Variants in MANEAL observed in about 807,000 individuals in gnomAD.
MANEAL encodes the protein glycoprotein endo-alpha-1,2-mannosidase-like protein.
Under a neutral mutation model 35.9 loss-of-function variants are expected in MANEAL, and 28 were observed. That is an observed-to-expected ratio of 0.78 (90% CI 0.58 to 1.07). The LOEUF (loss-of-function observed/expected upper bound fraction) is 1.07, where lower values mean the gene tolerates loss of function less well. Among genes scored for constraint, MANEAL ranks in the 50% least tolerant of loss-of-function variants. The pLI, the probability that MANEAL is intolerant of heterozygous loss-of-function variation, is 0.00. For synonymous variants in MANEAL, 286 were observed against 272.2 expected (o/e 1.05, Z -0.50); for missense variants, 576 against 629.6 (o/e 0.91, Z 0.91).
In MANEAL at chr1:37,799,880, A is replaced by G. The variant is rs1256648457; in HGVS notation, c.1051A>G (p.Asn351Asp). 1 of 1,614,100 alleles carries G rather than the reference A, an allele frequency of 6.2e-7. No individual in the cohort carries two copies. The highest frequency in any genetic ancestry group is 2.2e-5 in the East Asian group (1 of 44,898). Reference sequence around the variant, plus strand: ...TGTGAAGAACTTTTGTGATGCCAACAACCTCATGTTCATCCCCAGTGTGGG... The same window carrying G: ...TGTGAAGAACTTTTGTGATGCCAACGACCTCATGTTCATCCCCAGTGTGGG... ...KAVKNFCDAN[N>D]LMFIPSVGPG... Residue 351 changes from asparagine to aspartate, a missense_variant, in exon 4 of 4, where the codon AAC (asparagine) becomes GAC (aspartate). By Grantham distance (23) the Asn-to-Asp change is conservative. Around this residue, in one of 3 missense-constraint regions of MANEAL, gnomAD observed 449 missense variants for 516.1 expected, o/e 0.87. Transcript: ENST00000373045. This position sits in a 1 kb window ranked among gnomAD's most constrained non-coding sequence, Gnocchi z 4.1.
intron 3 of MANEAL, among the ~76,000 whole-genome samples, chr1:37,797,697 T>A (rs181502318): frequency 6.6e-6 from 1 of 152,074 alleles, no homozygotes; most frequent in Non-Finnish European, 1.5e-5. Flanking sequence ...TCCCAGCTAC[T>A]TGGGGGGCTA....
At position 37,794,871 on chromosome 1, in the gene MANEAL, ACT is replaced by A. The variant is rs897292981; in HGVS notation, c.550+143_550+144del. 1.5e-5 allele frequency: 9 copies of A among 584,632 alleles called. No homozygotes were observed. The African/African-American group carries it at 1.7e-4, about 11-fold the overall frequency. The allele number at this position is 584,632 out of a possible 1,614,324, so 36.2% of individuals were successfully genotyped here. On this transcript the variant is annotated intron_variant, in intron 1 of 3. Coordinates refer to ENST00000373045, the MANE Select transcript of MANEAL (RefSeq NM_001113482.2). This position sits in a 1 kb window ranked among gnomAD's most constrained non-coding sequence, Gnocchi z 5.7. ...CCTGGCTTCTTAGCTGTTCCCTCCC[ACT>A]CTCATCCTGGGCCCACCATGCGACA...
At position 37,794,521 on chromosome 1, in the gene MANEAL, C is replaced by T; in HGVS notation, c.339C>T (p.Tyr113=). ...SDLHAFYYSW[Y]GSPRREGHYI... is the part of the protein sequence containing the mutation. ...TGCACGCCTTCTACTACTCGTGGTA[C>T]GGGAGCCCGCGGCGCGAGGGCCACT... The change falls in exon 1 of 4, where the codon TAC becomes TAT. Residue 113 remains tyrosine (Y), a synonymous_variant. Transcript: ENST00000373045. This position sits in a 1 kb window ranked among gnomAD's most constrained non-coding sequence, Gnocchi z 5.7. 1 of 1,610,870 alleles carries T rather than the reference C, an allele frequency of 6.2e-7. No homozygotes were observed. Among genetic ancestry groups the T allele is most frequent in the South Asian group, 1.1e-5 (1 of 90,748 alleles).
Position 37,794,094 on chromosome 1 carries a change from G to A in MANEAL, c.-89G>A. ...CACGCCGCGCTCTGCCGGGCGCACA[G>A]TCTGCCTGGGAAGCGCGCGGCCGGG... On this transcript the variant is annotated 5_prime_UTR_variant, in exon 1 of 4. Coordinates refer to ENST00000373045, the MANE Select transcript of MANEAL (RefSeq NM_001113482.2). The surrounding 1 kb of genome is among the most constrained non-coding windows in gnomAD (Gnocchi z 5.7). 1.1e-6 allele frequency: 1 copy of A among 945,006 alleles called. No homozygotes were observed. The highest frequency in any genetic ancestry group is 1.3e-6 in the Non-Finnish European group (1 of 775,670). 58.5% of individuals were successfully genotyped at this position (945,006 alleles called of 1,614,324 possible).
In MANEAL at chr1:37,793,997, C is replaced by A; in HGVS notation, c.-186C>A. The A allele has an allele frequency of 5.0e-6, 1 of 200,612 alleles. No individual in the cohort carries two copies. Among genetic ancestry groups the A allele is most frequent in the Non-Finnish European group, 9.3e-6 (1 of 107,192 alleles). 12.4% of individuals were successfully genotyped at this position (200,612 alleles called of 1,614,324 possible). On this transcript the variant is annotated 5_prime_UTR_variant, in exon 1 of 4. Coordinates refer to ENST00000373045, the MANE Select transcript of MANEAL (RefSeq NM_001113482.2). Reference sequence around the variant, plus strand: ...CGTGCAGTTCCCCCTCGGCTCGCGGCCACTTGGTCCGCGCCGCCTGCGTCC... The same window carrying A: ...CGTGCAGTTCCCCCTCGGCTCGCGGACACTTGGTCCGCGCCGCCTGCGTCC...
At chr1:37,797,481 CTTTTTT>C (rs1646655166) in intron 3 of MANEAL, among the ~76,000 whole-genome samples, 1 of 96,050 alleles carries the variant, frequency 1.0e-5, no homozygotes, top group Non-Finnish European at 2.2e-5. Context: ...TTTTTTTTTT[CTTTTTT>C]TGAGACAGAG....
Position 37,795,833 on chromosome 1 carries a change from A to C in MANEAL, c.647A>C (p.Gln216Pro), listed in dbSNP as rs1225073282. 6.2e-7 allele frequency: 1 copy of C among 1,614,064 alleles called. No individual in the cohort carries two copies. Residue 216 changes from glutamine (Q) to proline (P), a missense_variant, in exon 2 of 4, where the codon CAG becomes CCG. Coordinates refer to ENST00000373045, the MANE Select transcript of MANEAL (RefSeq NM_001113482.2). Reference protein sequence around the residue: ...LVPAILDTAHQYSIQVAFHIQ... With the variant: ...LVPAILDTAHPYSIQVAFHIQ... ...CCCGCCATTCTGGACACCGCCCATC[A>C]GTACAGCATCCAGGTGAGTCTCCAA... is the stretch of plus-strand genomic sequence containing the variant.
chr1:37,796,424 C>T (rs1646645470), intron 2 of MANEAL, among the ~76,000 whole-genome samples: 1 of 152,232 alleles, frequency 6.6e-6, no homozygotes, highest in Non-Finnish European at 1.5e-5. Context: ...TCCACTGACA[C>T]AGCTTCAGCA....
rs749149607 is a variant in MANEAL at position 37,800,182 on chromosome 1, G to A, written c.1353G>A (p.Glu451=). Residue 451 remains glutamate, a synonymous_variant, in exon 4 of 4, where the codon GAG becomes GAA. Transcript: ENST00000373045. ...TRRWAEHFIK[E]KEQWLM ...GCTGGGCGGAGCACTTCATCAAAGA[G>A]AAGGAGCAGTGGCTCATGTGAGGGG... 6.2e-7 allele frequency: 1 copy of A among 1,613,486 alleles called. No individual in the cohort carries two copies. Among genetic ancestry groups the A allele is most frequent in the Non-Finnish European group, 8.5e-7 (1 of 1,179,994 alleles).
chr1:37,796,865 G>C, intron 3 of MANEAL, 45 bp downstream of exon 3: 1 of 1,552,424 alleles, frequency 6.4e-7, no homozygotes, highest in Non-Finnish European at 8.8e-7. Flanking sequence ...GATCAAAATG[G>C]AGGTAGGGAT....
Position 37,794,201 on chromosome 1 carries a change from CG to C in MANEAL, c.20del (p.Arg7ProfsTer169). MARRRR[R>X]ACIALFLVLL... is the part of the protein sequence containing the mutation. ...GTCGGCCATGGCCCGGCGGCGGCGC[CG>C]CGCCTGCATCGCTCTGTTCCTGGTG... On this transcript the variant is annotated frameshift_variant, in exon 1 of 4. Transcript: ENST00000373045. LOFTEE classifies it high-confidence loss of function. This position sits in a 1 kb window ranked among gnomAD's most constrained non-coding sequence, Gnocchi z 5.7. 7.7e-7 allele frequency: 1 copy of C among 1,292,148 alleles called. No individual in the cohort carries two copies. The highest frequency in any genetic ancestry group is 1.6e-5 in the South Asian group (1 of 61,822). 80.0% of individuals were successfully genotyped at this position (1,292,148 alleles called of 1,614,324 possible).
In MANEAL at chr1:37,794,856, T is replaced by C; in HGVS notation, c.550+124T>C. ...CCACTTATCCGCCAGCCTGGCTTCT[T>C]AGCTGTTCCCTCCCACTCTCATCCT... On this transcript the variant is annotated intron_variant, in intron 1 of 3. Coordinates refer to ENST00000373045, the MANE Select transcript of MANEAL (RefSeq NM_001113482.2). The surrounding 1 kb of genome is among the most constrained non-coding windows in gnomAD (Gnocchi z 5.7). 1.5e-6 allele frequency: 1 copy of C among 656,178 alleles called. No individual in the cohort carries two copies. The highest frequency in any genetic ancestry group is 3.4e-4 in the Middle Eastern group (1 of 2,966). The allele number at this position is 656,178 out of a possible 1,614,324, so 40.6% of individuals were successfully genotyped here.
Position 37,794,588 on chromosome 1 carries a change from AAGAT to A in MANEAL, c.407_410del (p.Lys136ThrfsTer39). On this transcript the variant is annotated frameshift_variant, in exon 1 of 4. Transcript: ENST00000373045. LOFTEE classifies it high-confidence loss of function. This position sits in a 1 kb window ranked among gnomAD's most constrained non-coding sequence, Gnocchi z 5.7. ...CGTCATGGTGCCGCACTGGGACCCC[AAGAT>A]CTCGGCCAGCTACCCCCGCGGCCGC... 1 of 1,611,718 alleles carries A rather than the reference AAGAT, an allele frequency of 6.2e-7. No individual in the cohort carries two copies. The highest frequency in any genetic ancestry group is 8.5e-7 in the Non-Finnish European group (1 of 1,179,604).
chr1:37,799,968 A>G lies in MANEAL; in HGVS notation c.1139A>G (p.Asn380Ser), dbSNP rs890430473. 8 of 1,614,226 alleles carry G rather than the reference A, an allele frequency of 5.0e-6. No individual in the cohort carries two copies. The highest frequency in any genetic ancestry group is 6.8e-6 in the Non-Finnish European group (8 of 1,180,030). The change falls in exon 4 of 4, where the codon AAT becomes AGT. Residue 380 changes from asparagine to serine, a missense_variant. Coordinates refer to ENST00000373045, the MANE Select transcript of MANEAL (RefSeq NM_001113482.2). The surrounding 1 kb of genome is among the most constrained non-coding windows in gnomAD (Gnocchi z 4.1). Reference protein sequence around the residue: ...WNNHNTRNRVNGKYYETALQA... With the variant: ...WNNHNTRNRVSGKYYETALQA... The stretch of plus-strand genomic sequence containing the variant: ...AACCACAATACGCGCAACAGGGTCA[A>G]TGGCAAGTACTATGAGACGGCCCTG...
In MANEAL at chr1:37,794,174, C is replaced by A; in HGVS notation, c.-9C>A. The A allele has an allele frequency of 8.1e-7, 1 of 1,230,844 alleles. No homozygotes were observed. The highest frequency in any genetic ancestry group is 1.0e-6 in the Non-Finnish European group (1 of 973,922). The allele number at this position is 1,230,844 out of a possible 1,614,324, so 76.2% of individuals were successfully genotyped here. Reference sequence around the variant, plus strand: ...GTAGCGCGGCGGCTGCAGGAGCGCACAGTCGGCCATGGCCCGGCGGCGGCG... The same window carrying A: ...GTAGCGCGGCGGCTGCAGGAGCGCAAAGTCGGCCATGGCCCGGCGGCGGCG... On this transcript the variant is annotated 5_prime_UTR_variant, in exon 1 of 4. Transcript: ENST00000373045. The surrounding 1 kb of genome is among the most constrained non-coding windows in gnomAD (Gnocchi z 5.7).
chr1:37,794,172 C>A lies in MANEAL; in HGVS notation c.-11C>A. 8.2e-7 allele frequency: 1 copy of A among 1,226,766 alleles called. No individual in the cohort carries two copies. The highest frequency in any genetic ancestry group is 2.0e-5 in the South Asian group (1 of 49,678). The allele number at this position is 1,226,766 out of a possible 1,614,324, so 76.0% of individuals were successfully genotyped here. A position where few individuals can be genotyped will look rare whatever the true frequency, so the allele number is the denominator to read the frequency against. The stretch of plus-strand genomic sequence containing the variant: ...AGGTAGCGCGGCGGCTGCAGGAGCG[C>A]ACAGTCGGCCATGGCCCGGCGGCGG... On this transcript the variant is annotated 5_prime_UTR_variant, in exon 1 of 4. Transcript: ENST00000373045. This position sits in a 1 kb window ranked among gnomAD's most constrained non-coding sequence, Gnocchi z 5.7.
intron 2 of MANEAL, 46 bp from the exon 3 acceptor site, chr1:37,796,698 C>A: frequency 6.5e-7 from 1 of 1,530,604 alleles, no homozygotes; most frequent in Non-Finnish European, 8.9e-7. Flanking sequence ...ATGTTGTGGC[C>A]CCTAGATAGA....
At position 37,794,389 on chromosome 1, in the gene MANEAL, C is replaced by CCCGCCG; in HGVS notation, c.219_224dup (p.Pro74_Pro75dup). 2 of 1,113,770 alleles carry CCCGCCG rather than the reference C, an allele frequency of 1.8e-6. No individual in the cohort carries two copies. Among genetic ancestry groups the CCCGCCG allele is most frequent in the South Asian group, 4.3e-5 (1 of 23,320 alleles). The allele number at this position is 1,113,770 out of a possible 1,614,324, so 69.0% of individuals were successfully genotyped here. A position where few individuals can be genotyped will look rare whatever the true frequency, so the allele number is the denominator to read the frequency against. On this transcript the variant is annotated inframe_insertion, in exon 1 of 4. Transcript: ENST00000373045. This position sits in a 1 kb window ranked among gnomAD's most constrained non-coding sequence, Gnocchi z 5.7. ...CCCCGGCAGCCCCTGCCGCGCCGCC[C>CCCGCCG]CCGCCGCCGCCGCCGCCCCGCACCG...
chr1:37,795,037 G>A (rs1370736526), intron 1 of MANEAL, among the ~76,000 whole-genome samples: 1 of 152,222 alleles, frequency 6.6e-6, no homozygotes, highest in African/African-American at 2.4e-5. Flanking sequence ...TGGGCGATGG[G>A]AAGTGAGGCC....
Sources: gnomAD v4.1 joint callset for allele counts (sites outside exome capture counted in the v4.1 genomes callset) on GRCh38, gnomAD v4.1.1 for gene constraint, gnomAD v4.1.1 regional missense constraint, Gnocchi (gnomAD v3.1) non-coding constraint, MANE v1.5 for transcripts, NCBI Gene and HGNC (gene_info 2026-07-23, HGNC 2026-07-21) for gene names.